The following CEMIP2 variants were observed in gnomAD, a reference collection of about 807,000 sequenced individuals.
The protein encoded by CEMIP2 is cell migration inducing hyaluronidase 2.
Under a neutral mutation model 146.9 loss-of-function variants are expected in CEMIP2, and 79 were observed. The ratio of observed to expected loss-of-function variants is 0.54; its 90% CI spans 0.45 to 0.65. The LOEUF (loss-of-function observed/expected upper bound fraction) is 0.65. CEMIP2 is among the 30% of genes least tolerant of loss of function. The pLI, the probability that CEMIP2 is intolerant of heterozygous loss-of-function variation, is 0.00. For synonymous variants in CEMIP2, 601 were observed against 606.3 expected (o/e 0.99, Z 0.13); for missense variants, 1,596 against 1,696.2 (o/e 0.94, Z 1.04).
Position 71,698,158 on chromosome 9 carries a change from T to A in CEMIP2, c.3424A>T (p.Ser1142Cys), listed in dbSNP as rs1342932871. 6.2e-7 allele frequency: 1 copy of A among 1,614,052 alleles called. No homozygotes were observed. The highest frequency in any genetic ancestry group is 8.5e-7 in the Non-Finnish European group (1 of 1,180,040). Reference protein sequence around the residue: ...LKAKSHRHGHSYCSSQGCERV... With the variant: ...LKAKSHRHGHCYCSSQGCERV... Reference sequence around the variant, plus strand: ...TCACATCCCTGAGATGAACAGTAACTGTGGCCATGCCTGTGGCTTTTGGCT... The same window carrying A: ...TCACATCCCTGAGATGAACAGTAACAGTGGCCATGCCTGTGGCTTTTGGCT... The change falls in exon 20 of 24, where the codon AGT becomes TGT. Residue 1142 changes from serine to cysteine, a missense_variant. Transcript: ENST00000377044.
intron 16 of CEMIP2, among the ~76,000 whole-genome samples, chr9:71,711,022 C>T (rs146412984): frequency 1.6e-3 from 250 of 152,252 alleles, no homozygotes; most frequent in African/African-American, 5.8e-3. Context: ...CCAGGTGTGG[C>T]TGCCTGTGGG....
At chr9:71,705,235 T>G (rs2131891608) in intron 17 of CEMIP2, among the ~76,000 whole-genome samples, 1 of 152,270 alleles carries the variant, frequency 6.6e-6, no homozygotes, top group South Asian at 2.1e-4. Flanking sequence ...ATCTTAGAGC[T>G]TTGGCTTTCA....
rs892978799 is a variant in CEMIP2, at chr9:71,704,793, T to C, written c.2996A>G (p.Gln999Arg). 2 of 1,613,936 alleles carry C rather than the reference T, an allele frequency of 1.2e-6. No homozygotes were observed. Among genetic ancestry groups the C allele is most frequent in the Admixed American group, 1.7e-5 (1 of 59,994 alleles). ...AGAAAGATTCTGAGTGCTCCATGTC[T>C]GTACATAGACCTTGAAAAAATAATC... Reference protein sequence around the residue: ...CSGTYAQVYVQTWSTQNLSMT... With the variant: ...CSGTYAQVYVRTWSTQNLSMT... Residue 999 changes from glutamine (Q) to arginine (R), a missense_variant, in exon 18 of 24, where the codon CAG (glutamine) becomes CGG (arginine). By Grantham distance (43) the Gln-to-Arg change is conservative (BLOSUM62 1). Coordinates refer to ENST00000377044, the MANE Select transcript of CEMIP2 (RefSeq NM_013390.3).
At chr9:71,760,584 A>G (rs73647013) in intron 1 of CEMIP2, among the ~76,000 whole-genome samples, 2,689 of 150,606 alleles carry the variant, frequency 0.018, 94 homozygotes, top group African/African-American at 0.06. Flanking sequence ...TTGACCCTAA[A>G]GCCAATGAGG....
At chr9:71,721,060 A>C (rs1054609304) in intron 12 of CEMIP2, among the ~76,000 whole-genome samples, 2 of 152,110 alleles carry the variant, frequency 1.3e-5, no homozygotes, top group African/African-American at 4.8e-5. Flanking sequence ...ATTCACATAT[A>C]TACACATACA....
chr9:71,760,018 T>TAAAAA (rs34841456), intron 1 of CEMIP2, among the ~76,000 whole-genome samples: 25 of 143,902 alleles, frequency 1.7e-4, no homozygotes, highest in East Asian at 6.0e-4. Flanking sequence ...TAAATTTACT[T>TAAAAA]AAAAAAAAAA....
At chr9:71,730,313 C>G (rs1047168825) in intron 8 of CEMIP2, 60 bp from the exon 9 acceptor site, 1 of 1,519,758 alleles carries the variant, frequency 6.6e-7, no homozygotes, top group African/African-American at 1.4e-5. Context: ...ATTTAAGTGA[C>G]AAGCGCTATC....
intron 4 of CEMIP2, among the ~76,000 whole-genome samples, chr9:71,741,548 A>G (rs2131996165): frequency 6.6e-6 from 1 of 151,730 alleles, no homozygotes; most frequent in Non-Finnish European, 1.5e-5. Flanking sequence ...TCACTATCCA[A>G]CAGATTTTAA....
intron 1 of CEMIP2, among the ~76,000 whole-genome samples, chr9:71,764,354 GATC>G (rs1405722910): frequency 6.6e-6 from 1 of 151,318 alleles, no homozygotes; most frequent in Non-Finnish European, 1.5e-5. Flanking sequence ...CAAATTATCT[GATC>G]ATTAAACTAA....
At chr9:71,750,608 A>AT (rs560628836) in intron 1 of CEMIP2, among the ~76,000 whole-genome samples, 20,043 of 141,072 alleles carry the variant, frequency 0.14, 1,426 homozygotes, top group Admixed American at 0.18. Context: ...CGCCCAGCTA[A>AT]TTTTTTTTTT....
intron 14 of CEMIP2, 147 bp from the exon 15 acceptor site, chr9:71,715,236 G>GTTTTTTTTTTTTTTTTTT (rs1564005667): frequency 2.7e-6 from 1 of 376,128 alleles, no homozygotes. Context: ...TTCAGAAACT[G>GTTTTTTTTTTTTTTTTTT]CTTTTTTTTT....
At chr9:71,707,434 G>A (rs1309357855) in intron 17 of CEMIP2, among the ~76,000 whole-genome samples, 1 of 151,934 alleles carries the variant, frequency 6.6e-6, no homozygotes, top group Admixed American at 6.6e-5. Flanking sequence ...AGTCTCTCCC[G>A]TCTTTATTCC....
intron 20 of CEMIP2, among the ~76,000 whole-genome samples, chr9:71,695,631 AC>A (rs1421901092): frequency 3.9e-5 from 6 of 152,108 alleles, no homozygotes; most frequent in Non-Finnish European, 7.4e-5. Flanking sequence ...CTGAGATCGT[AC>A]CACTGCTCTC....
At chr9:71,726,144 G>T (rs770054828) in intron 10 of CEMIP2, among the ~76,000 whole-genome samples, 3 of 152,066 alleles carry the variant, frequency 2.0e-5, no homozygotes, top group Non-Finnish European at 4.4e-5. Context: ...AGCACGCAGA[G>T]ATCACTGACT....
intron 10 of CEMIP2, among the ~76,000 whole-genome samples, chr9:71,727,348 C>CA (rs1194244177): frequency 6.6e-6 from 1 of 152,158 alleles, no homozygotes; most frequent in African/African-American, 2.4e-5. Context: ...CATCTTTACT[C>CA]AAAAACTCAC....
At chr9:71,694,419 A>G (rs1354023790) in intron 21 of CEMIP2, 90 bp downstream of exon 21, 5 of 1,055,538 alleles carry the variant, frequency 4.7e-6, no homozygotes, top group East Asian at 2.6e-5. Flanking sequence ...CACCGCACCC[A>G]GCCAATTTCT....
chr9:71,704,562 C>A (rs775367096), intron 18 of CEMIP2, 33 bp downstream of exon 18: 3 of 1,609,320 alleles, frequency 1.9e-6, no homozygotes, highest in Non-Finnish European at 2.6e-6. Flanking sequence ...ACTACTTGCT[C>A]AACTATTTGA....
chr9:71,757,610 C>T (rs1291727196), intron 1 of CEMIP2, among the ~76,000 whole-genome samples: 3 of 152,124 alleles, frequency 2.0e-5, no homozygotes, highest in Non-Finnish European at 2.9e-5. Context: ...TACTTTTGAC[C>T]TAATAAAATA....
At chr9:71,764,494 T>A (rs1363633678) in intron 1 of CEMIP2, among the ~76,000 whole-genome samples, 2 of 152,190 alleles carry the variant, frequency 1.3e-5, no homozygotes, top group African/African-American at 4.8e-5. Flanking sequence ...ATTTACTATA[T>A]GACCTTACCT....
Sources: gnomAD v4.1 joint callset for allele counts (sites outside exome capture counted in the v4.1 genomes callset) on GRCh38, gnomAD v4.1.1 for gene constraint, MANE v1.5 for transcripts, NCBI Gene and HGNC (gene_info 2026-07-23, HGNC 2026-07-21) for gene names.